SH3RF3: variants seen among roughly 807,000 people sequenced by gnomAD.
SH3RF3 encodes E3 ubiquitin-protein ligase SH3RF3.
In SH3RF3, 29 loss-of-function variants were observed where a neutral mutation model predicts 66.3. The ratio of observed to expected loss-of-function variants is 0.44; its 90% CI spans 0.33 to 0.60. The LOEUF (loss-of-function observed/expected upper bound fraction) is 0.60, where lower values mean the gene tolerates loss of function less well. Ranked by LOEUF, SH3RF3 falls within the 20% of genes least tolerant of loss-of-function variation. The pLI is 0.04. For synonymous variants in SH3RF3, 583 were observed against 532.0 expected (o/e 1.10, Z -1.32); for missense variants, 1,194 against 1,190.9 (o/e 1.00, Z -0.04).
At chr2:109,244,753 C>T (rs1230514383) in intron 1 of SH3RF3, among the ~76,000 whole-genome samples, 2 of 152,222 alleles carry the variant, frequency 1.3e-5, no homozygotes, top group Non-Finnish European at 2.9e-5. Flanking sequence ...AACCTCAATG[C>T]CCGGGCCCTT....
intron 1 of SH3RF3, among the ~76,000 whole-genome samples, chr2:109,239,814 C>G (rs1679737747): frequency 6.6e-6 from 1 of 152,332 alleles, no homozygotes; most frequent in Non-Finnish European, 1.5e-5. Context: ...GGCCACCTGC[C>G]TTTCATCCCC....
intron 1 of SH3RF3, among the ~76,000 whole-genome samples, chr2:109,246,226 C>T (rs780328277): frequency 6.6e-6 from 1 of 152,312 alleles, no homozygotes; most frequent in African/African-American, 2.4e-5. Flanking sequence ...GGTTTAAAAG[C>T]GGCAGCAATT....
chr2:109,319,715 G>C (rs1265767427), intron 1 of SH3RF3, among the ~76,000 whole-genome samples: 1 of 152,220 alleles, frequency 6.6e-6, no homozygotes, highest in African/African-American at 2.4e-5. Flanking sequence ...GAGCCAAATG[G>C]TGTGGGCAGG....
chr2:109,149,711 G>A (rs1677187881), intron 1 of SH3RF3, among the ~76,000 whole-genome samples: 1 of 152,190 alleles, frequency 6.6e-6, no homozygotes, highest in African/African-American at 2.4e-5. Context: ...GCCTCGTGGT[G>A]CTTACGTTCT....
intron 1 of SH3RF3, among the ~76,000 whole-genome samples, chr2:109,219,145 C>G (rs187484054): frequency 6.6e-6 from 1 of 152,210 alleles, no homozygotes; most frequent in Non-Finnish European, 1.5e-5. Flanking sequence ...CTCGCTCACA[C>G]CCCATTCACA....
chr2:109,130,317 C>T (rs1676659768), intron 1 of SH3RF3, among the ~76,000 whole-genome samples: 1 of 152,246 alleles, frequency 6.6e-6, no homozygotes, highest in Non-Finnish European at 1.5e-5. Context: ...ACGTGTGTCC[C>T]ATCCTCCTGT....
chr2:109,295,172 C>T (rs1043401435), intron 1 of SH3RF3, among the ~76,000 whole-genome samples: 5 of 152,228 alleles, frequency 3.3e-5, no homozygotes, highest in Non-Finnish European at 7.3e-5. Flanking sequence ...AGGTGCCTGC[C>T]CCTCTCCACC....
chr2:109,416,746 C>T (rs1336181131), intron 4 of SH3RF3, among the ~76,000 whole-genome samples: 6 of 151,564 alleles, frequency 4.0e-5, no homozygotes, highest in South Asian at 4.2e-4. Context: ...ACAACAACAA[C>T]GAACAAAATA....
At position 109,149,872 on chromosome 2, in the gene SH3RF3, C is replaced by T. The variant is rs563625484; in HGVS notation, c.573+19759C>T. On this transcript the variant is annotated intron_variant, in intron 1 of 9. Transcript: ENST00000309415. ...AATACCAGGGGGTTCTTTTTCTGCT[C>T]GTGGATATTTTTTGTCCCAGTGGAA... 4.6e-5 allele frequency among the ~76,000 whole-genome samples: 7 copies of T among 152,280 alleles called. No homozygotes were observed. In the East Asian group the frequency reaches 5.8e-4, roughly 13 times the overall value.
At chr2:109,464,551 T>C (rs1678290389) in intron 8 of SH3RF3, among the ~76,000 whole-genome samples, 1 of 152,086 alleles carries the variant, frequency 6.6e-6, no homozygotes, top group African/African-American at 2.4e-5. Flanking sequence ...TCCTGCAGAG[T>C]TGATCCACTT....
chr2:109,131,815 G>T (rs1329493179), intron 1 of SH3RF3, among the ~76,000 whole-genome samples: 1 of 152,200 alleles, frequency 6.6e-6, no homozygotes, highest in East Asian at 1.9e-4. Context: ...GCATAGTCAT[G>T]TTCATGACTT....
intron 1 of SH3RF3, among the ~76,000 whole-genome samples, chr2:109,240,878 ATC>A (rs370916478): frequency 2.6e-5 from 3 of 113,562 alleles, no homozygotes; most frequent in Non-Finnish European, 1.7e-5. Flanking sequence ...ACTTGATTCC[ATC>A]TCTCTCTCTC....
intron 3 of SH3RF3, among the ~76,000 whole-genome samples, chr2:109,373,980 C>A (rs1443384518): frequency 1.3e-5 from 2 of 152,152 alleles, no homozygotes; most frequent in Non-Finnish European, 2.9e-5. Flanking sequence ...TCCACAGGCA[C>A]ACTCAGAGAC....
At chr2:109,283,192 G>T (rs994433074) in intron 1 of SH3RF3, among the ~76,000 whole-genome samples, 1 of 152,192 alleles carries the variant, frequency 6.6e-6, no homozygotes, top group Non-Finnish European at 1.5e-5. Context: ...CCTGGAGCAT[G>T]CCTCTGTTCG....
chr2:109,132,602 C>G (rs1238863180), intron 1 of SH3RF3, among the ~76,000 whole-genome samples: 1 of 152,144 alleles, frequency 6.6e-6, no homozygotes, highest in Non-Finnish European at 1.5e-5. Flanking sequence ...AGGAGTTGGT[C>G]TTTTTATTTG....
Position 109,257,166 on chromosome 2 carries a change from T to C in SH3RF3, c.574-90508T>C, listed in dbSNP as rs1680240756. On this transcript the variant is annotated intron_variant, in intron 1 of 9. Transcript: ENST00000309415. ...ACATTCACTCAGCATCCTGGAAAAG[T>C]GCCCACTGGGGCAGGAGCTTCTCTT... Among the ~76,000 whole-genome samples, 4 of 152,342 alleles carry C rather than the reference T, an allele frequency of 2.6e-5. No homozygotes were observed. The South Asian group carries it at 8.3e-4, about 32-fold the overall frequency.
At chr2:109,419,417 G>T in intron 4 of SH3RF3, 122 bp from the exon 5 acceptor site, 3 of 1,030,230 alleles carry the variant, frequency 2.9e-6, no homozygotes, top group Non-Finnish European at 4.3e-6. Flanking sequence ...CACGTTGGAG[G>T]CCAAACAGCC....
intron 1 of SH3RF3, among the ~76,000 whole-genome samples, 174 bp downstream of exon 1, chr2:109,130,287 G>C (rs918761674): frequency 6.6e-6 from 1 of 152,224 alleles, no homozygotes; most frequent in Non-Finnish European, 1.5e-5. Flanking sequence ...TCCGGCCCCT[G>C]GGCAGCTCGC....
intron 7 of SH3RF3, among the ~76,000 whole-genome samples, chr2:109,442,616 C>T (rs1378925765): frequency 6.6e-6 from 1 of 152,096 alleles, no homozygotes; most frequent in East Asian, 1.9e-4. Flanking sequence ...TGGTATACTA[C>T]TGTAACATTC....
Sources: gnomAD v4.1 joint callset for allele counts (sites outside exome capture counted in the v4.1 genomes callset) on GRCh38, gnomAD v4.1.1 for gene constraint, MANE v1.5 for transcripts, NCBI Gene and HGNC (gene_info 2026-07-23, HGNC 2026-07-21) for gene names.